Variants in IQCM observed in about 807,000 individuals in gnomAD.
IQCM encodes the protein IQ motif containing M.
Under a neutral mutation model 57.6 loss-of-function variants are expected in IQCM, and 45 were observed. The ratio of observed to expected loss-of-function variants is 0.78; its 90% CI spans 0.62 to 1.00. The LOEUF is 1.00. Ranked by LOEUF, IQCM falls within the 50% of genes least tolerant of loss-of-function variation. IQCM has a pLI of 0.00. For missense variants in IQCM, 468 were observed against 511.6 expected (o/e 0.91, Z 0.82); for synonymous variants, 148 against 158.9 (o/e 0.93, Z 0.51).
At chr4:149,803,443 C>A (rs77155959) in intron 2 of IQCM, among the ~76,000 whole-genome samples, 3,339 of 151,990 alleles carry the variant, frequency 0.022, 64 homozygotes, top group South Asian at 0.036. Flanking sequence ...CCTCATTGAG[C>A]CTTTCTTTGA....
chr4:149,718,119 G>A (rs1156627269), intron 5 of IQCM, among the ~76,000 whole-genome samples: 1 of 152,156 alleles, frequency 6.6e-6, no homozygotes, highest in Non-Finnish European at 1.5e-5. Context: ...TTAATCCTGG[G>A]AGAGGATCAA....
intron 7 of IQCM, among the ~76,000 whole-genome samples, chr4:149,662,468 A>G (rs1760310072): frequency 6.6e-6 from 1 of 151,732 alleles, no homozygotes; most frequent in Non-Finnish European, 1.5e-5. Flanking sequence ...ATGTTTCTTT[A>G]TTTTTTTATC....
At chr4:149,527,781 C>T (rs1329506392) in intron 12 of IQCM, among the ~76,000 whole-genome samples, 2 of 152,078 alleles carry the variant, frequency 1.3e-5, no homozygotes, top group Admixed American at 6.6e-5. Context: ...TTCTCCCATG[C>T]CATGCTGTGT....
intron 7 of IQCM, among the ~76,000 whole-genome samples, chr4:149,621,462 T>C (rs1159168177): frequency 1.3e-5 from 2 of 152,102 alleles, no homozygotes; most frequent in African/African-American, 2.4e-5. Context: ...TATGGTAAGG[T>C]TCTCGTGTTT....
chr4:149,629,240 T>C lies in IQCM; in HGVS notation c.566-7996A>G, dbSNP rs186602957. On this transcript the variant is annotated intron_variant, in intron 7 of 13. Coordinates refer to ENST00000636793, the MANE Select transcript of IQCM (RefSeq NM_001363507.2). The stretch of plus-strand genomic sequence containing the variant: ...TTTCTTAGGAACTAAACCATTTTTT[T>C]CCCCTAGGGTATAAACTTGAACTCA... 4.8e-3 allele frequency among the ~76,000 whole-genome samples: 732 copies of C among 152,274 alleles called. 5 individuals carry two copies. The highest frequency in any genetic ancestry group is 8.2e-3 in the Non-Finnish European group (560 of 68,016).
chr4:149,370,154 G>A lies in IQCM; in HGVS notation c.1391-18088C>T, dbSNP rs557126879. On this transcript the variant is annotated intron_variant, in intron 13 of 13. Coordinates refer to ENST00000636793, the MANE Select transcript of IQCM (RefSeq NM_001363507.2). ...GGCAATCCTCCTGTGTCAGCCTCCC[G>A]AAGTGTTGGGATCATAGGCTTGAGC... 2.1e-4 allele frequency among the ~76,000 whole-genome samples: 32 copies of A among 152,282 alleles called. 1 individual carries two copies. Among genetic ancestry groups the A allele is most frequent in the Middle Eastern group, 3.4e-3 (1 of 294 alleles).
At chr4:149,793,865 C>G (rs1772868605) in intron 2 of IQCM, 2 of 152,234 alleles carry the variant, frequency 1.3e-5, no homozygotes, top group South Asian at 4.1e-4. Flanking sequence ...ACTGCTCAGG[C>G]AGGAGGGCAG....
intron 5 of IQCM, among the ~76,000 whole-genome samples, chr4:149,720,988 C>T (rs536624846): frequency 6.6e-6 from 1 of 152,152 alleles, no homozygotes; most frequent in Non-Finnish European, 1.5e-5. Flanking sequence ...GTCTTAAATT[C>T]TTCCGAGTAA....
chr4:149,717,907 C>A (rs150274779), intron 5 of IQCM, among the ~76,000 whole-genome samples: 7 of 152,158 alleles, frequency 4.6e-5, no homozygotes, highest in Admixed American at 1.3e-4. Flanking sequence ...CCAAAAGGTA[C>A]GTAAACCTCA....
intron 2 of IQCM, among the ~76,000 whole-genome samples, chr4:149,773,513 C>A (rs897444056): frequency 2.0e-5 from 3 of 152,134 alleles, no homozygotes; most frequent in Non-Finnish European, 2.9e-5. Context: ...GGTATTTAAA[C>A]TAACTGTTCT....
chr4:149,481,709 T>TTTTTTTTGTTTG (rs1560896045), intron 12 of IQCM, among the ~76,000 whole-genome samples: 3 of 133,118 alleles, frequency 2.3e-5, no homozygotes, highest in African/African-American at 8.1e-5. Context: ...TTGTTTTTTT[T>TTTTTTTTGTTTG]TTTTTTTTTT....
At chr4:149,489,926 G>T (rs1741915647) in intron 12 of IQCM, among the ~76,000 whole-genome samples, 2 of 151,794 alleles carry the variant, frequency 1.3e-5, no homozygotes, top group South Asian at 2.1e-4. Flanking sequence ...ACATAAAAAT[G>T]ATTAAAATTT....
intron 12 of IQCM, among the ~76,000 whole-genome samples, chr4:149,504,656 G>A (rs1489575181): frequency 6.6e-6 from 1 of 152,128 alleles, no homozygotes; most frequent in African/African-American, 2.4e-5. Flanking sequence ...GTTCACGTCT[G>A]CAATCCCAGC....
At chr4:149,482,626 T>C (rs1051795510) in intron 12 of IQCM, among the ~76,000 whole-genome samples, 3 of 151,920 alleles carry the variant, frequency 2.0e-5, no homozygotes, top group Admixed American at 1.3e-4. Flanking sequence ...CTGGGATAAG[T>C]TCCACTTGGT....
intron 2 of IQCM, among the ~76,000 whole-genome samples, chr4:149,763,662 A>G (rs145565341): frequency 4.6e-5 from 7 of 152,240 alleles, no homozygotes; most frequent in African/African-American, 1.7e-4. Flanking sequence ...AGCTAGAGAC[A>G]CTGGGGTTTG....
chr4:149,660,356 A>G (rs1360780472), intron 7 of IQCM, among the ~76,000 whole-genome samples: 1 of 152,180 alleles, frequency 6.6e-6, no homozygotes, highest in African/African-American at 2.4e-5. Context: ...GGATATGGAG[A>G]AATAGGAACA....
At chr4:149,807,058 T>A (rs140776308) in intron 2 of IQCM, among the ~76,000 whole-genome samples, 2,418 of 151,994 alleles carry the variant, frequency 0.016, 39 homozygotes, top group Non-Finnish European at 0.025. Context: ...ACTAGAAGAA[T>A]GAATATTATT....
At chr4:149,763,554 G>T (rs1160769497) in intron 2 of IQCM, among the ~76,000 whole-genome samples, 1 of 152,092 alleles carries the variant, frequency 6.6e-6, no homozygotes. Flanking sequence ...CCCAGAGTAT[G>T]ACTGTTACTA....
chr4:149,540,465 AC>A (rs1279532447), intron 12 of IQCM, among the ~76,000 whole-genome samples: 1 of 151,846 alleles, frequency 6.6e-6, no homozygotes, highest in Non-Finnish European at 1.5e-5. Flanking sequence ...ATCTATAGAG[AC>A]AAAAAGCAGA....
Sources: gnomAD v4.1 joint callset for allele counts (sites outside exome capture counted in the v4.1 genomes callset) on GRCh38, gnomAD v4.1.1 for gene constraint, MANE v1.5 for transcripts, NCBI Gene and HGNC (gene_info 2026-07-23, HGNC 2026-07-21) for gene names.